CA10: variants seen among roughly 807,000 people sequenced by gnomAD.
CA10 encodes carbonic anhydrase-related protein 10.
CA10 carries 14 observed loss-of-function variants against 44.2 expected under a neutral mutation model. The ratio of observed to expected loss-of-function variants is 0.32; its 90% CI spans 0.21 to 0.50. The LOEUF (loss-of-function observed/expected upper bound fraction) is 0.50, where lower values mean the gene tolerates loss of function less well. Among genes scored for constraint, CA10 ranks in the 20% least tolerant of loss-of-function variants. The pLI, the probability that CA10 is intolerant of heterozygous loss-of-function variation, is 0.99. For synonymous variants in CA10, 159 were observed against 141.6 expected (o/e 1.12, Z -0.87); for missense variants, 350 against 409.7 (o/e 0.85, Z 1.26).
At chr17:51,784,338 T>C (rs1414860347) in intron 3 of CA10, among the ~76,000 whole-genome samples, 1 of 152,120 alleles carries the variant, frequency 6.6e-6, no homozygotes, top group Non-Finnish European at 1.5e-5. Flanking sequence ...CATTAGCCTC[T>C]GAAAGGTGTG....
intron 4 of CA10, among the ~76,000 whole-genome samples, chr17:51,740,315 G>A (rs984083520): frequency 6.6e-6 from 1 of 152,242 alleles, no homozygotes; most frequent in Non-Finnish European, 1.5e-5. Context: ...CTCCTTACAG[G>A]TAGGCACTAT....
chr17:51,961,180 TACACACAAACACACACACAC>T (rs1412859469), intron 2 of CA10, among the ~76,000 whole-genome samples: 1 of 107,088 alleles, frequency 9.3e-6, no homozygotes, highest in Non-Finnish European at 1.9e-5. Context: ...TCTCTGTATG[TACACACAAACACACACACAC>T]ACACACACAC....
intron 2 of CA10, among the ~76,000 whole-genome samples, chr17:52,057,359 T>G (rs1387543046): frequency 6.6e-6 from 1 of 152,106 alleles, no homozygotes. Context: ...AAGACAAGGA[T>G]GAAGATCTTT....
intron 3 of CA10, among the ~76,000 whole-genome samples, chr17:51,832,771 T>G (rs998742780): frequency 6.6e-6 from 1 of 152,134 alleles, no homozygotes; most frequent in African/African-American, 2.4e-5. Context: ...AGATTGAAGA[T>G]AAGGATCACA....
intron 3 of CA10, among the ~76,000 whole-genome samples, chr17:51,901,643 G>T (rs1981322043): frequency 6.6e-6 from 1 of 152,110 alleles, no homozygotes; most frequent in African/African-American, 2.4e-5. Flanking sequence ...TAATTTAAAG[G>T]ACTCTCAGTC....
intron 3 of CA10, among the ~76,000 whole-genome samples, chr17:51,809,459 G>A (rs1660578401): frequency 2.0e-5 from 3 of 152,176 alleles, no homozygotes; most frequent in Non-Finnish European, 4.4e-5. Context: ...GATTCAGAAA[G>A]GTTAAATGAC....
intron 2 of CA10, among the ~76,000 whole-genome samples, chr17:51,970,940 C>T (rs1021011520): frequency 5.3e-5 from 8 of 152,030 alleles, no homozygotes; most frequent in African/African-American, 1.9e-4. Flanking sequence ...ATTTACTTGA[C>T]TACACAATGG....
chr17:51,639,990 C>A (rs925686844), intron 6 of CA10, among the ~76,000 whole-genome samples: 1 of 152,148 alleles, frequency 6.6e-6, no homozygotes, highest in Non-Finnish European at 1.5e-5. Flanking sequence ...CCTGGAATAA[C>A]TACTGCTCCT....
chr17:51,846,537 C>A (rs559320724), intron 3 of CA10, among the ~76,000 whole-genome samples: 2 of 152,342 alleles, frequency 1.3e-5, no homozygotes, highest in African/African-American at 4.8e-5. Context: ...ATCCTCATTT[C>A]ACAAGTGAAG....
chr17:51,996,509 A>G (rs574632620), intron 2 of CA10, among the ~76,000 whole-genome samples: 6 of 151,966 alleles, frequency 3.9e-5, no homozygotes, highest in African/African-American at 1.5e-4. Flanking sequence ...TCTCCTCGAC[A>G]TGGCCCATGG....
At chr17:52,096,739 C>T (rs1441633429) in intron 1 of CA10, among the ~76,000 whole-genome samples, 2 of 152,104 alleles carry the variant, frequency 1.3e-5, no homozygotes, top group African/African-American at 4.8e-5. Flanking sequence ...CTTTCTCTCC[C>T]CTCCCTTGAG....
chr17:51,969,618 A>G (rs1285695396), intron 2 of CA10, among the ~76,000 whole-genome samples: 1 of 152,064 alleles, frequency 6.6e-6, no homozygotes, highest in Non-Finnish European at 1.5e-5. Context: ...GAACCGTAAG[A>G]AACAGCCCAG....
At chr17:52,042,314 G>T (rs1986793108) in intron 2 of CA10, among the ~76,000 whole-genome samples, 2 of 151,754 alleles carry the variant, frequency 1.3e-5, no homozygotes, top group African/African-American at 4.8e-5. Flanking sequence ...GATGCCTTGT[G>T]GTTTTAATTT....
intron 2 of CA10, among the ~76,000 whole-genome samples, chr17:52,013,126 T>C (rs1276852257): frequency 6.6e-6 from 1 of 151,962 alleles, no homozygotes; most frequent in Non-Finnish European, 1.5e-5. Context: ...AGAAATACTT[T>C]TACAACCATC....
At chr17:51,697,617 T>C (rs1418096579) in intron 4 of CA10, among the ~76,000 whole-genome samples, 1 of 152,232 alleles carries the variant, frequency 6.6e-6, no homozygotes, top group Non-Finnish European at 1.5e-5. Flanking sequence ...TATTAATTAG[T>C]ATCTATCTCC....
chr17:51,695,225 T>A (rs1468141953), intron 4 of CA10, among the ~76,000 whole-genome samples: 1 of 152,254 alleles, frequency 6.6e-6, no homozygotes, highest in Non-Finnish European at 1.5e-5. Flanking sequence ...TAGCATTGAA[T>A]CTACAGATTG....
At chr17:51,912,997 C>G (rs930433480) in intron 3 of CA10, among the ~76,000 whole-genome samples, 2 of 152,166 alleles carry the variant, frequency 1.3e-5, no homozygotes, top group Non-Finnish European at 1.5e-5. Flanking sequence ...AGGAAAAGCT[C>G]AACCCAGTGG....
chr17:51,797,285 A>C (rs1473764594), intron 3 of CA10, among the ~76,000 whole-genome samples: 1 of 152,198 alleles, frequency 6.6e-6, no homozygotes, highest in Non-Finnish European at 1.5e-5. Context: ...GTTTCTGTGG[A>C]CTTCCCACGG....
intron 2 of CA10, among the ~76,000 whole-genome samples, chr17:52,043,160 A>G (rs540923482): frequency 6.6e-6 from 1 of 152,192 alleles, no homozygotes; most frequent in South Asian, 2.1e-4. Context: ...GAATCTGTAG[A>G]TAACTTTTCG....
Sources: gnomAD v4.1 joint callset for allele counts (sites outside exome capture counted in the v4.1 genomes callset) on GRCh38, gnomAD v4.1.1 for gene constraint, MANE v1.5 for transcripts, NCBI Gene and HGNC (gene_info 2026-07-23, HGNC 2026-07-21) for gene names.